PNRC1: variants seen among roughly 807,000 people sequenced by gnomAD.
PNRC1 encodes proline rich nuclear receptor coactivator 1, also known as proline-rich nuclear receptor coactivator 1.
PNRC1 carries 6 observed loss-of-function variants against 20.2 expected under a neutral mutation model. The observed-to-expected ratio is 0.30, with a 90% CI of 0.16 to 0.59. PNRC1 has a LOEUF of 0.59. Among genes scored for constraint, PNRC1 ranks in the 20% least tolerant of loss-of-function variants. PNRC1 has a pLI of 0.89. For missense variants in PNRC1, 488 were observed against 430.2 expected, an observed-to-expected ratio of 1.13 and a Z score of -1.19; for synonymous variants, 202 against 186.9, an observed-to-expected ratio of 1.08 and a Z score of -0.66.
chr6:89,084,230 T>C lies in PNRC1; in HGVS notation c.*34T>C, dbSNP rs1768065982. 1 of 1,441,174 alleles carries C rather than the reference T, an allele frequency of 6.9e-7. No homozygotes were observed. Among genetic ancestry groups the C allele is most frequent in the African/African-American group, 1.4e-5 (1 of 70,096 alleles). The allele number at this position is 1,441,174 out of a possible 1,614,324, so 89.3% of individuals were successfully genotyped here. A position where few individuals can be genotyped will look rare whatever the true frequency, so the allele number is the denominator to read the frequency against. On this transcript the variant is annotated 3_prime_UTR_variant, in exon 2 of 2. Coordinates refer to ENST00000336032, the MANE Select transcript of PNRC1 (RefSeq NM_006813.3). Reference sequence around the variant, plus strand: ...TTTCAGTATGTGTGTAAAACATAATTTTTCCCATATCCCTGGACTCTTGAG... The same window carrying C: ...TTTCAGTATGTGTGTAAAACATAATCTTTCCCATATCCCTGGACTCTTGAG...
At chr6:89,082,810 C>T (rs1768031015) in intron 1 of PNRC1, 1 of 152,148 alleles carries the variant, frequency 6.6e-6, no homozygotes, top group African/African-American at 2.4e-5. Context: ...TTCTGGCACT[C>T]GTATTTGGAA....
rs1023509610 is a variant in PNRC1, at chr6:89,084,216, G to A, written c.*20G>A. The stretch of plus-strand genomic sequence containing the variant: ...ACTTAGATTTCAGATTTCAGTATGT[G>A]TGTAAAACATAATTTTTCCCATATC... On this transcript the variant is annotated 3_prime_UTR_variant, in exon 2 of 2. Coordinates refer to ENST00000336032, the MANE Select transcript of PNRC1 (RefSeq NM_006813.3). 6.6e-7 allele frequency: 1 copy of A among 1,511,718 alleles called. No individual in the cohort carries two copies. Among genetic ancestry groups the A allele is most frequent in the Non-Finnish European group, 8.9e-7 (1 of 1,118,928 alleles). 93.6% of individuals were successfully genotyped at this position (1,511,718 alleles called of 1,614,324 possible). A position where few individuals can be genotyped will look rare whatever the true frequency, so the allele number is the denominator to read the frequency against.
Position 89,080,973 on chromosome 6 carries a change from G to T in PNRC1, c.79G>T (p.Gly27Cys). Residue 27 changes from glycine (G) to cysteine (C), a missense_variant, in exon 1 of 2, where the codon GGT becomes TGT. Transcript: ENST00000336032. The stretch of plus-strand genomic sequence containing the variant: ...TGCGCCGCTTGGCTTTTCCTCCCGA[G>T]GTTACTTTGGGGCCCTCCCGATGGT... ...RLAPLGFSSR[G>C]YFGALPMVTT... is the part of the protein sequence containing the mutation. 1 of 1,613,326 alleles carries T rather than the reference G, an allele frequency of 6.2e-7. No homozygotes were observed. Among genetic ancestry groups the T allele is most frequent in the Non-Finnish European group, 8.5e-7 (1 of 1,179,994 alleles).
In PNRC1 at chr6:89,081,190, A is replaced by C; in HGVS notation, c.296A>C (p.Lys99Thr). Reference protein sequence around the residue: ...TPRAAPKKRRKKKVRASPAGQ... With the variant: ...TPRAAPKKRRTKKVRASPAGQ... ...CGGGCAGCGCCGAAGAAGCGGCGAA[A>C]GAAGAAGGTGCGGGCCAGCCCCGCA... Residue 99 changes from lysine (K) to threonine (T), a missense_variant, in exon 1 of 2, where the codon AAG (lysine) becomes ACG (threonine). Lys to Thr is a moderately conservative substitution (Grantham distance 78). Coordinates refer to ENST00000336032, the MANE Select transcript of PNRC1 (RefSeq NM_006813.3). 6.3e-7 allele frequency: 1 copy of C among 1,579,088 alleles called. No homozygotes were observed. The highest frequency in any genetic ancestry group is 8.5e-7 in the Non-Finnish European group (1 of 1,169,832).
intron 1 of PNRC1, among the ~76,000 whole-genome samples, chr6:89,083,059 A>G (rs1274034050): frequency 6.6e-6 from 1 of 151,290 alleles, no homozygotes; most frequent in Non-Finnish European, 1.5e-5. Context: ...GCTGGAATGC[A>G]GTGGCACGAT....
rs1449120080 is a variant in PNRC1, at chr6:89,085,140, A to T, written c.*944A>T. On this transcript the variant is annotated 3_prime_UTR_variant, in exon 2 of 2. Coordinates refer to ENST00000336032, the MANE Select transcript of PNRC1 (RefSeq NM_006813.3). ...AGACGCTGTCTCAAAAAAAAGGCCA[A>T]GAGAAAGTAAGGGAGACAGATTTTG... The T allele has an allele frequency of 1.3e-5, 2 of 152,200 alleles. No individual in the cohort carries two copies. The highest frequency in any genetic ancestry group is 1.5e-5 in the Non-Finnish European group (1 of 68,040). The allele number at this position is 152,200 out of a possible 1,614,324, so 9.4% of individuals were successfully genotyped here.
At position 89,084,202 on chromosome 6, in the gene PNRC1, A is replaced by C. The variant is rs557616385; in HGVS notation, c.*6A>C. The stretch of plus-strand genomic sequence containing the variant: ...TCCTCAAAGTTCAAACTTAGATTTC[A>C]GATTTCAGTATGTGTGTAAAACATA... On this transcript the variant is annotated 3_prime_UTR_variant, in exon 2 of 2. Coordinates refer to ENST00000336032, the MANE Select transcript of PNRC1 (RefSeq NM_006813.3). 5.9e-5 allele frequency: 92 copies of C among 1,558,336 alleles called. No individual in the cohort carries two copies. Among genetic ancestry groups the C allele is most frequent in the Non-Finnish European group, 7.8e-5 (90 of 1,152,174 alleles).
At chr6:89,083,683 ATG>A in intron 1 of PNRC1, 68 bp from the exon 2 acceptor site, 5 of 1,136,754 alleles carry the variant, frequency 4.4e-6, no homozygotes, top group Non-Finnish European at 6.2e-6. Context: ...AAAACTAGAT[ATG>A]TGATATGAGG....
At position 89,083,744 on chromosome 6, in the gene PNRC1, T is replaced by C; in HGVS notation, c.541-9T>C. The C allele has an allele frequency of 6.4e-7, 1 of 1,566,086 alleles. No individual in the cohort carries two copies. Among genetic ancestry groups the C allele is most frequent in the Admixed American group, 2.1e-5 (1 of 48,684 alleles). ...AACTATATTTACTTTTGTGTTCTTG[T>C]CTTTGTAGGTTTTAAAATCAAAGAT... On this transcript the variant is annotated splice_polypyrimidine_tract_variant and intron_variant, in intron 1 of 1. Coordinates refer to ENST00000336032, the MANE Select transcript of PNRC1 (RefSeq NM_006813.3).
rs1767979390 is a variant in PNRC1, at chr6:89,081,216, G to C, written c.322G>C (p.Gly108Arg). The C allele has an allele frequency of 6.4e-7, 1 of 1,558,114 alleles. No homozygotes were observed. Among genetic ancestry groups the C allele is most frequent in the Non-Finnish European group, 8.6e-7 (1 of 1,160,514 alleles). The change falls in exon 1 of 2, where the codon GGG becomes CGG. Residue 108 changes from glycine to arginine, a missense_variant. Gly to Arg is a moderately radical substitution (Grantham distance 125). Transcript: ENST00000336032. ...RKKKVRASPA[G>R]QLPSRFHQYQ... Reference sequence around the variant, plus strand: ...GAAGAAGGTGCGGGCCAGCCCCGCAGGGCAGCTGCCCAGCCGCTTCCACCA... The same window carrying C: ...GAAGAAGGTGCGGGCCAGCCCCGCACGGCAGCTGCCCAGCCGCTTCCACCA...
chr6:89,085,134 A>AT lies in PNRC1; in HGVS notation c.*938_*939insT, dbSNP rs1768091172. On this transcript the variant is annotated 3_prime_UTR_variant, in exon 2 of 2. Transcript: ENST00000336032. ...GGTAACAGACGCTGTCTCAAAAAAA[A>AT]GGCCAAGAGAAAGTAAGGGAGACAG... 6.6e-6 allele frequency: 1 copy of AT among 152,124 alleles called. No individual in the cohort carries two copies. Among genetic ancestry groups the AT allele is most frequent in the African/African-American group, 2.4e-5 (1 of 41,428 alleles). The allele number at this position is 152,124 out of a possible 1,614,324, so 9.4% of individuals were successfully genotyped here. A position where few individuals can be genotyped will look rare whatever the true frequency, so the allele number is the denominator to read the frequency against.
At position 89,080,828 on chromosome 6, in the gene PNRC1, T is replaced by G; in HGVS notation, c.-67T>G. Reference sequence around the variant, plus strand: ...CTAGCAGCATCCATCGCCGCCACCCTATCTTCACTGGCTTCATTCACCTTC... The same window carrying G: ...CTAGCAGCATCCATCGCCGCCACCCGATCTTCACTGGCTTCATTCACCTTC... On this transcript the variant is annotated 5_prime_UTR_variant, in exon 1 of 2. Transcript: ENST00000336032. 6.9e-7 allele frequency: 1 copy of G among 1,440,644 alleles called. No individual in the cohort carries two copies. 89.2% of individuals were successfully genotyped at this position (1,440,644 alleles called of 1,614,324 possible).
Position 89,080,915 on chromosome 6 carries a change from G to C in PNRC1, c.21G>C (p.Pro7=), listed in dbSNP as rs142290803. Residue 7 remains proline (P), a synonymous_variant, in exon 1 of 2, where the codon CCG becomes CCC. Transcript: ENST00000336032. MTVVSV[P]QREPLVLGGR... ...GCGCTATGACTGTCGTCTCCGTCCC[G>C]CAGCGGGAGCCGCTCGTCCTGGGTG... The C allele has an allele frequency of 2.1e-4, 345 of 1,612,064 alleles. 2 individuals are homozygous for C. In the African/African-American group the frequency reaches 4.0e-3, roughly 19 times the overall value.
rs2127986198 is a variant in PNRC1 at position 89,084,854 on chromosome 6, GTGTGTGACTGTTTCTCATGTTTGAA to G, written c.*668_*692del. 6.6e-6 allele frequency: 1 copy of G among 152,202 alleles called. No homozygotes were observed. The highest frequency in any genetic ancestry group is 2.4e-5 in the African/African-American group (1 of 41,514). The allele number at this position is 152,202 out of a possible 1,614,324, so 9.4% of individuals were successfully genotyped here. A position where few individuals can be genotyped will look rare whatever the true frequency, so the allele number is the denominator to read the frequency against. On this transcript the variant is annotated 3_prime_UTR_variant, in exon 2 of 2. Transcript: ENST00000336032. ...CCTTTTAAAATAGTCTTGACTCTTT[GTGTGTGACTGTTTCTCATGTTTGAA>G]TGTGTGACTAGGAGATGATTTTGTG...
chr6:89,081,196 A>T lies in PNRC1; in HGVS notation c.302A>T (p.Lys101Met), dbSNP rs763760724. 21 of 1,572,318 alleles carry T rather than the reference A, an allele frequency of 1.3e-5. No individual in the cohort carries two copies. Among genetic ancestry groups the T allele is most frequent in the African/African-American group, 2.7e-5 (2 of 74,136 alleles). Residue 101 changes from lysine (K) to methionine (M), a missense_variant, in exon 1 of 2, where the codon AAG (lysine) becomes ATG (methionine). Lys to Met is a moderately conservative substitution (Grantham distance 95). Coordinates refer to ENST00000336032, the MANE Select transcript of PNRC1 (RefSeq NM_006813.3). ...GCGCCGAAGAAGCGGCGAAAGAAGA[A>T]GGTGCGGGCCAGCCCCGCAGGGCAG... The part of the protein sequence containing the change: ...RAAPKKRRKK[K>M]VRASPAGQLP...
At position 89,084,323 on chromosome 6, in the gene PNRC1, TTACA is replaced by T. The variant is rs1203931221; in HGVS notation, c.*132_*135del. ...AATTGCAAAAGATGAGTTTAAAAAA[TTACA>T]TACAAACAGCTTGTATTATATTTTA... On this transcript the variant is annotated 3_prime_UTR_variant, in exon 2 of 2. Coordinates refer to ENST00000336032, the MANE Select transcript of PNRC1 (RefSeq NM_006813.3). The T allele has an allele frequency of 5.7e-5, 35 of 615,780 alleles. No individual in the cohort carries two copies. Among genetic ancestry groups the T allele is most frequent in the Admixed American group, 1.7e-4 (5 of 29,326 alleles). 38.1% of individuals were successfully genotyped at this position (615,780 alleles called of 1,614,324 possible). A position where few individuals can be genotyped will look rare whatever the true frequency, so the allele number is the denominator to read the frequency against.
Position 89,083,843 on chromosome 6 carries a change from A to G in PNRC1, c.631A>G (p.Ile211Val), listed in dbSNP as rs1768055477. 1 of 1,614,170 alleles carries G rather than the reference A, an allele frequency of 6.2e-7. No homozygotes were observed. The highest frequency in any genetic ancestry group is 8.5e-7 in the Non-Finnish European group (1 of 1,180,014). ...TATACACTTGTATGAGCAACCAAAG[A>G]TAAACAGACAGAAAAGCAAATATAA... ...HGIHLYEQPKINRQKSKYNLP... is the reference protein window; with the variant it reads ...HGIHLYEQPKVNRQKSKYNLP... Residue 211 changes from isoleucine to valine, a missense_variant, in exon 2 of 2, where the codon ATA becomes GTA. Coordinates refer to ENST00000336032, the MANE Select transcript of PNRC1 (RefSeq NM_006813.3).
At position 89,081,265 on chromosome 6, in the gene PNRC1, T is replaced by C. The variant is rs768267668; in HGVS notation, c.371T>C (p.Leu124Pro). 6 of 1,533,496 alleles carry C rather than the reference T, an allele frequency of 3.9e-6. No individual in the cohort carries two copies. In the East Asian group the frequency reaches 1.5e-4, roughly 38 times the overall value. 95.0% of individuals were successfully genotyped at this position (1,533,496 alleles called of 1,614,324 possible). Residue 124 changes from leucine to proline, a missense_variant, in exon 1 of 2, where the codon CTG becomes CCG. Transcript: ENST00000336032. ...CAGTACCAGCAGCACCGGCCGAGTC[T>C]GGAGGGCGGCCGGAGCCCCGCGACC... ...FHQYQQHRPS[L>P]EGGRSPATGP...
At chr6:89,083,002 G>GT (rs5878087) in intron 1 of PNRC1, among the ~76,000 whole-genome samples, 57,952 of 149,630 alleles carry the variant, frequency 0.39, 11,639 homozygotes, top group East Asian at 0.67. Flanking sequence ...TAAGTTTTTT[G>GT]TTGTTTTTTT....
Sources: gnomAD v4.1 joint callset for allele counts (sites outside exome capture counted in the v4.1 genomes callset) on GRCh38, gnomAD v4.1.1 for gene constraint, MANE v1.5 for transcripts, NCBI Gene and HGNC (gene_info 2026-07-23, HGNC 2026-07-21) for gene names.